The following TTLL13 variants were observed in gnomAD, a reference collection of about 807,000 sequenced individuals.
TTLL13 encodes the protein tubulin tyrosine ligase like 13.
At chr15:90,265,292 G>C in the TTLL13 span, 1 of 1,224,438 alleles carries the variant, frequency 8.2e-7, no homozygotes, top group Non-Finnish European at 1.0e-6. Context: ...CCATCCAGGA[G>C]ACAATGAGCC....
the TTLL13 span, among the ~76,000 whole-genome samples, chr15:90,261,380 C>A: frequency 5.0e-5 from 7 of 141,398 alleles, no homozygotes; most frequent in African/African-American, 1.8e-4. Context: ...TGCCCGGCCA[C>A]TTTTTTTTTT....
chr15:90,264,954 A>G, the TTLL13 span: 9 of 1,535,892 alleles, frequency 5.9e-6, no homozygotes, highest in East Asian at 2.4e-5. Flanking sequence ...CTCAACATCA[A>G]TCAGTTCAGG....
the TTLL13 span, among the ~76,000 whole-genome samples, chr15:90,256,642 T>C: frequency 7.6e-3 from 794 of 103,826 alleles, 9 homozygotes; most frequent in African/African-American, 0.035. Context: ...TCCTTCCTTC[T>C]TTCTTTCTCC....
the TTLL13 span, chr15:90,262,467 G>C: frequency 6.9e-7 from 1 of 1,458,426 alleles, no homozygotes; most frequent in South Asian, 1.4e-5. Context: ...TTTCTCTACT[G>C]TCTGAAGCTG....
the TTLL13 span, chr15:90,259,025 C>G: frequency 6.3e-7 from 1 of 1,592,220 alleles, no homozygotes; most frequent in South Asian, 1.1e-5. Context: ...GATTTGCTAT[C>G]AAAAACAACT....
the TTLL13 span, among the ~76,000 whole-genome samples, chr15:90,259,433 A>T: frequency 6.6e-6 from 1 of 152,032 alleles, no homozygotes; most frequent in African/African-American, 2.4e-5. Flanking sequence ...TCAAAATTTT[A>T]AAAATACAGA....
the TTLL13 span, chr15:90,256,355 T>C: frequency 6.2e-7 from 1 of 1,606,384 alleles, no homozygotes; most frequent in African/African-American, 1.3e-5. Context: ...GGCTGCCTCA[T>C]CTCTCCCAAA....
the TTLL13 span, chr15:90,255,915 T>C: frequency 3.1e-6 from 5 of 1,613,644 alleles, no homozygotes; most frequent in Admixed American, 8.3e-5. Context: ...CATGCTGAGA[T>C]ACCAGGGGGA....
At chr15:90,259,970 G>T in the TTLL13 span, among the ~76,000 whole-genome samples, 1 of 152,190 alleles carries the variant, frequency 6.6e-6, no homozygotes, top group East Asian at 1.9e-4. Flanking sequence ...TGCAGGGGCA[G>T]TGTGTGTTTG....
chr15:90,254,824 C>T, the TTLL13 span, among the ~76,000 whole-genome samples: 29,551 of 151,632 alleles, frequency 0.19, 3,708 homozygotes, highest in African/African-American at 0.35. Context: ...CCAGCCTGGG[C>T]GACAGAGGGA....
the TTLL13 span, among the ~76,000 whole-genome samples, chr15:90,261,426 T>C: frequency 6.6e-6 from 1 of 151,588 alleles, no homozygotes; most frequent in Non-Finnish European, 1.5e-5. Flanking sequence ...AAACATATGT[T>C]ACTTTTACAA....
chr15:90,261,864 G>T, the TTLL13 span: 1 of 613,768 alleles, frequency 1.6e-6, no homozygotes, highest in Non-Finnish European at 2.7e-6. Context: ...CCAAAGATGG[G>T]CTTGGCAGCT....
chr15:90,251,436 T>A, the TTLL13 span: 1 of 1,104,474 alleles, frequency 9.1e-7, no homozygotes, highest in African/African-American at 1.6e-5. Context: ...TCCTGGTCTG[T>A]CTTTTAAGTG....
chr15:90,258,747 ACCACTCT>A, the TTLL13 span: 2 of 1,614,124 alleles, frequency 1.2e-6, no homozygotes. Context: ...TGGCAGGTAA[ACCACTCT>A]CCAAGCTTTA....
the TTLL13 span, chr15:90,250,800 T>C: frequency 6.2e-6 from 10 of 1,614,218 alleles, no homozygotes; most frequent in Non-Finnish European, 8.5e-6. Flanking sequence ...TCACCCATTA[T>C]GGCCACAAAA....
At chr15:90,262,849 C>T in the TTLL13 span, 1 of 1,300,992 alleles carries the variant, frequency 7.7e-7, no homozygotes, top group Non-Finnish European at 1.0e-6. Flanking sequence ...CAAAAGGAAC[C>T]TTCCTGGGTC....
the TTLL13 span, chr15:90,256,002 T>G: frequency 1.3e-6 from 2 of 1,569,010 alleles, no homozygotes; most frequent in East Asian, 4.5e-5. Context: ...ATGAGAAAGT[T>G]TCAGCTGGTC....
the TTLL13 span, chr15:90,256,191 T>G: frequency 6.2e-7 from 1 of 1,614,152 alleles, no homozygotes; most frequent in Non-Finnish European, 8.5e-7. Context: ...CGCACATATA[T>G]CTGCAAGCCA....
chr15:90,258,483 G>C, the TTLL13 span: 1 of 621,746 alleles, frequency 1.6e-6, no homozygotes, highest in Non-Finnish European at 2.8e-6. Flanking sequence ...TAGGAATGCA[G>C]GTTTGGGATC....
Sources: gnomAD v4.1 joint callset for allele counts (sites outside exome capture counted in the v4.1 genomes callset) on GRCh38, gnomAD v4.1.1 for gene constraint, MANE v1.5 for transcripts, NCBI Gene and HGNC (gene_info 2026-07-23, HGNC 2026-07-21) for gene names.